TTC21B: variants seen among roughly 807,000 people sequenced by gnomAD.
TTC21B encodes the protein tetratricopeptide repeat protein 21B.
In TTC21B, 127 loss-of-function variants were observed where a neutral mutation model predicts 175.1. The observed-to-expected ratio is 0.73, with a 90% CI of 0.63 to 0.84. The LOEUF is 0.84. Ranked by LOEUF, TTC21B falls within the 40% of genes least tolerant of loss-of-function variation. The pLI is 0.00. For missense variants in TTC21B, 1,561 were observed against 1,558.3 expected, an observed-to-expected ratio of 1.00 and a Z score of -0.03; for synonymous variants, 524 against 524.5, an observed-to-expected ratio of 1.00 and a Z score of 0.01.
Position 165,907,775 on chromosome 2 carries a change from A to G in TTC21B, c.2471T>C (p.Leu824Pro). The change falls in exon 19 of 29, where the codon CTG becomes CCG. Residue 824 changes from leucine to proline, a missense_variant. Coordinates refer to ENST00000243344, the MANE Select transcript of TTC21B (RefSeq NM_024753.5). ...ACGTCCATCCTCCATGAGAGCTGAC[A>G]GTTCATTTACTATGAAAGAATGGAA... ...HALAHEPVNELSALMEDGRCQ... is the reference protein window; with the variant it reads ...HALAHEPVNEPSALMEDGRCQ... 1 of 1,608,360 alleles carries G rather than the reference A, an allele frequency of 6.2e-7. No individual in the cohort carries two copies. Among genetic ancestry groups the G allele is most frequent in the Non-Finnish European group, 8.5e-7 (1 of 1,175,312 alleles).
At position 165,911,664 on chromosome 2, in the gene TTC21B, A is replaced by T. The variant is rs958378288; in HGVS notation, c.2323-199T>A. On this transcript the variant is annotated intron_variant, in intron 17 of 28. Coordinates refer to ENST00000243344, the MANE Select transcript of TTC21B (RefSeq NM_024753.5). ...ATCACATGAAACAACTAATATATAT[A>T]TATATTTTTTTTTTTTGAGTCACAG... is the stretch of plus-strand genomic sequence containing the variant. Among the ~76,000 whole-genome samples the T allele has an allele frequency of 1.8e-4, 25 of 139,090 alleles. No homozygotes were observed. The East Asian group carries it at 3.9e-3, about 22-fold the overall frequency. The allele number at this position is 139,090 out of a possible 152,430, so 91.2% of individuals were successfully genotyped here.
chr2:165,889,545 C>T (rs982780831), intron 24 of TTC21B, among the ~76,000 whole-genome samples: 1 of 152,044 alleles, frequency 6.6e-6, no homozygotes, highest in Non-Finnish European at 1.5e-5. Context: ...AGAAGATTTC[C>T]ACTTGAATAG....
At chr2:165,914,659 G>GTGTGTGTGTGTGTGTGTGTGTT (rs1421587089) in intron 15 of TTC21B, among the ~76,000 whole-genome samples, 1 of 133,766 alleles carries the variant, frequency 7.5e-6, no homozygotes, top group African/African-American at 3.3e-5. Flanking sequence ...AGAGCAATCT[G>GTGTGTGTGTGTGTGTGTGTGTT]TGTGTGTGTG....
intron 11 of TTC21B, among the ~76,000 whole-genome samples, chr2:165,926,959 A>G (rs1686652074): frequency 7.6e-6 from 1 of 131,612 alleles, no homozygotes; most frequent in Non-Finnish European, 1.6e-5. Flanking sequence ...ATAAACTCCC[A>G]TATGTATATA....
intron 22 of TTC21B, among the ~76,000 whole-genome samples, chr2:165,893,914 C>T (rs1183270474): frequency 6.6e-6 from 1 of 151,954 alleles, no homozygotes; most frequent in East Asian, 1.9e-4. Context: ...ATATAAATGG[C>T]CAAATAATTT....
chr2:165,930,222 C>T lies in TTC21B; in HGVS notation c.1037G>A (p.Trp346Ter). ...ATCAAGTGTCATGGCGGTCTTATAC[C>T]ACTTCAGTGCCTCTTTAACTCTTCC... The part of the protein sequence containing the change: ...LQGRVKEALK[W>*]YKTAMTLDET... Residue 346 changes from tryptophan (W) to a stop codon, truncating the protein, a stop_gained, in exon 9 of 29, where the codon TGG becomes TAG. Transcript: ENST00000243344. LOFTEE classifies it high-confidence loss of function. 1 of 1,613,300 alleles carries T rather than the reference C, an allele frequency of 6.2e-7. No homozygotes were observed.
rs1574137283 is a variant in TTC21B, at chr2:165,940,968, C to T, written c.710+59G>A. The T allele has an allele frequency of 4.4e-6, 7 of 1,597,834 alleles. No individual in the cohort carries two copies. In the East Asian group the frequency reaches 6.7e-5, roughly 15 times the overall value. On this transcript the variant is annotated intron_variant, in intron 6 of 28. Transcript: ENST00000243344. ...TTATGAAAAAAATTCACAGATGTCGCTTTTTCTCAAAATTATAACCAAATC... is the reference window on the plus strand; with the variant it reads ...TTATGAAAAAAATTCACAGATGTCGTTTTTTCTCAAAATTATAACCAAATC...
At chr2:165,948,883 T>C (rs1295086996) in intron 3 of TTC21B, 1 of 155,766 alleles carries the variant, frequency 6.4e-6, no homozygotes, top group Non-Finnish European at 1.4e-5. Context: ...CTGGTTTATG[T>C]ATAAATTTCC....
intron 6 of TTC21B, among the ~76,000 whole-genome samples, chr2:165,936,317 A>G (rs1687140092): frequency 6.6e-6 from 1 of 152,154 alleles, no homozygotes; most frequent in Non-Finnish European, 1.5e-5. Flanking sequence ...AATCTGAAAT[A>G]GATCACAGAG....
At chr2:165,901,936 A>G in intron 19 of TTC21B, 26 bp from the exon 20 acceptor site, 1 of 1,578,714 alleles carries the variant, frequency 6.3e-7, no homozygotes, top group Non-Finnish European at 8.7e-7. Flanking sequence ...ATAAAAGGGA[A>G]TAAAAAAAAA....
At chr2:165,891,153 C>T (rs1212751213) in intron 22 of TTC21B, among the ~76,000 whole-genome samples, 165 bp from the exon 23 acceptor site, 1 of 152,002 alleles carries the variant, frequency 6.6e-6, no homozygotes, top group African/African-American at 2.4e-5. Context: ...GTATGGCCAA[C>T]TAGATGATCT....
intron 11 of TTC21B, 98 bp from the exon 12 acceptor site, chr2:165,924,776 T>C: frequency 3.7e-6 from 5 of 1,342,646 alleles, no homozygotes; most frequent in Non-Finnish European, 4.1e-6. Flanking sequence ...CCAAGCTATA[T>C]ACATTTTTCT....
chr2:165,929,708 T>A lies in TTC21B; in HGVS notation c.1127A>T (p.Asp376Val). 6.2e-7 allele frequency: 1 copy of A among 1,612,858 alleles called. No individual in the cohort carries two copies. The highest frequency in any genetic ancestry group is 8.5e-7 in the Non-Finnish European group (1 of 1,179,262). ...QCQLIEGQLQ[D>V]ADQQLEFLNE... ...TAAAAATTCTAGCTGCTGATCTGCA[T>A]CCTGTAATTGCCCTTCTATCAACTG... Residue 376 changes from aspartate (D) to valine (V), a missense_variant, in exon 10 of 29, where the codon GAT becomes GTT. By Grantham distance (152) the Asp-to-Val change is radical. Transcript: ENST00000243344.
intron 22 of TTC21B, among the ~76,000 whole-genome samples, chr2:165,892,284 T>G (rs2105293748): frequency 6.6e-6 from 1 of 152,282 alleles, no homozygotes; most frequent in Admixed American, 6.5e-5. Context: ...AAAGCTTGTT[T>G]TAAAGCTATT....
intron 9 of TTC21B, 117 bp downstream of exon 9, chr2:165,930,055 A>G (rs1686829698): frequency 2.1e-6 from 2 of 943,726 alleles, no homozygotes; most frequent in Non-Finnish European, 3.3e-6. Context: ...TGTGGGCAGT[A>G]GAGAACAATT....
chr2:165,933,599 AG>A (rs1686994895), intron 6 of TTC21B, among the ~76,000 whole-genome samples: 1 of 152,218 alleles, frequency 6.6e-6, no homozygotes. Context: ...AACTGTACTC[AG>A]GGACATTTTT....
Position 165,915,334 on chromosome 2 carries a change from C to T in TTC21B, c.2005G>A (p.Asp669Asn). 6.2e-7 allele frequency: 1 copy of T among 1,614,102 alleles called. No individual in the cohort carries two copies. The change falls in exon 15 of 29, where the codon GAT becomes AAT. Residue 669 changes from aspartate (D) to asparagine (N), a missense_variant. Asp to Asn is a conservative substitution (Grantham distance 23). Coordinates refer to ENST00000243344, the MANE Select transcript of TTC21B (RefSeq NM_024753.5). ...ANADLALAQG[D>N]IERALSILQN... ...AGGATGCTTAAAGCCCGTTCAATAT[C>T]TCCTTGGGCTAGAGCAAGGTCTGCA...
chr2:165,906,667 G>A (rs910872424), intron 19 of TTC21B, among the ~76,000 whole-genome samples: 2 of 152,032 alleles, frequency 1.3e-5, no homozygotes, highest in African/African-American at 4.8e-5. Context: ...ATTAGCAGCC[G>A]GGTGCGGTGG....
intron 17 of TTC21B, 51 bp from the exon 18 acceptor site, chr2:165,911,516 C>T (rs1488930667): frequency 1.2e-6 from 2 of 1,604,826 alleles, no homozygotes; most frequent in Non-Finnish European, 8.5e-7. Context: ...GAATGGCATT[C>T]AAGCAGAGCT....
Sources: allele counts gnomAD v4.1 joint callset (sites outside exome capture counted in the v4.1 genomes callset), GRCh38; gene constraint gnomAD v4.1.1; transcripts MANE v1.5; gene names NCBI Gene and HGNC (gene_info 2026-07-23, HGNC 2026-07-21).